The following NCOA2 variants were observed in gnomAD, a reference collection of about 807,000 sequenced individuals.
The protein encoded by NCOA2 is class E basic helix-loop-helix protein 75.
NCOA2 carries 21 observed loss-of-function variants against 145.1 expected under a neutral mutation model. That is an observed-to-expected ratio of 0.14 (90% CI 0.10 to 0.21). The LOEUF (loss-of-function observed/expected upper bound fraction) is 0.21, where lower values mean the gene tolerates loss of function less well. NCOA2 is among the 10% of genes least tolerant of loss of function. The probability of loss-of-function intolerance (pLI) is 1.00; values close to 1 mark genes in which losing one functional copy is unlikely to be tolerated. For missense variants in NCOA2, 1,472 were observed against 1,837.6 expected, an observed-to-expected ratio of 0.80 and a Z score of 3.64; for synonymous variants, 619 against 637.5, an observed-to-expected ratio of 0.97 and a Z score of 0.44.
chr8:70,190,268 A>G (rs1056106888), intron 4 of NCOA2, among the ~76,000 whole-genome samples: 3 of 152,206 alleles, frequency 2.0e-5, no homozygotes, highest in Admixed American at 1.3e-4. Context: ...TCAAAACTAA[A>G]CCCAGTTAAG....
chr8:70,330,004 G>T (rs1806942810), intron 1 of NCOA2, among the ~76,000 whole-genome samples: 1 of 151,810 alleles, frequency 6.6e-6, no homozygotes, highest in Non-Finnish European at 1.5e-5. Context: ...TTTTCATCTG[G>T]GTAGTATTTA....
In NCOA2 at chr8:70,111,070, TCTC is replaced by T. The variant is rs1806495315; in HGVS notation, c.*2559_*2561del. On this transcript the variant is annotated 3_prime_UTR_variant, in exon 23 of 23. Transcript: ENST00000452400. Reference sequence around the variant, plus strand: ...AGAGGATTCCTTCACTTACTTTTCTTCTCCTAACTAGATGTAAAACAAAATCCA... The same window carrying T: ...AGAGGATTCCTTCACTTACTTTTCTTCTAACTAGATGTAAAACAAAATCCA... 4.5e-6 allele frequency: 1 copy of T among 221,164 alleles called. No homozygotes were observed. The highest frequency in any genetic ancestry group is 1.8e-4 in the South Asian group (1 of 5,426). 13.7% of individuals were successfully genotyped at this position (221,164 alleles called of 1,614,324 possible). A position where few individuals can be genotyped will look rare whatever the true frequency, so the allele number is the denominator to read the frequency against.
At position 70,206,694 on chromosome 8, in the gene NCOA2, A is replaced by G. The variant is rs148189480; in HGVS notation, c.259+7209T>C. ...TATTGCTTACTGTACTGGGCTTACT[A>G]CTCTCCTATCTAGCTCTGACTTGCC... On this transcript the variant is annotated intron_variant, in intron 4 of 22. Transcript: ENST00000452400. 1.4e-4 allele frequency among the ~76,000 whole-genome samples: 21 copies of G among 151,830 alleles called. No individual in the cohort carries two copies. In the East Asian group the frequency reaches 3.9e-3, roughly 28 times the overall value.
At chr8:70,403,868 T>C, upstream of NCOA2, 1 of 384,912 alleles carries the variant, frequency 2.6e-6, no homozygotes, top group Non-Finnish European at 4.6e-6. Context: ...CTCCTCCTCC[T>C]CCTCCTCCTC....
At chr8:70,374,642 A>G (rs918427294) in intron 1 of NCOA2, among the ~76,000 whole-genome samples, 3 of 151,946 alleles carry the variant, frequency 2.0e-5, no homozygotes, top group Non-Finnish European at 4.4e-5. Context: ...ATCTCTACGA[A>G]AAATTTAAAA....
intron 1 of NCOA2, among the ~76,000 whole-genome samples, chr8:70,300,619 G>C (rs1277388536): frequency 6.6e-6 from 1 of 152,202 alleles, no homozygotes; most frequent in Non-Finnish European, 1.5e-5. Context: ...GGGCGTGAGA[G>C]AGAACTGAAG....
chr8:70,210,809 C>T (rs1281511802), intron 4 of NCOA2, among the ~76,000 whole-genome samples: 1 of 152,126 alleles, frequency 6.6e-6, no homozygotes, highest in Non-Finnish European at 1.5e-5. Context: ...TTTAGTATGG[C>T]CCCTCATGCA....
At chr8:70,167,944 C>A (rs1010991994) in intron 6 of NCOA2, among the ~76,000 whole-genome samples, 1 of 152,204 alleles carries the variant, frequency 6.6e-6, no homozygotes, top group African/African-American at 2.4e-5. Flanking sequence ...GAATCAGAAT[C>A]AATCCTAATT....
At chr8:70,413,540 A>G in the NCOA2 span, among the ~76,000 whole-genome samples, 1 of 152,226 alleles carries the variant, frequency 6.6e-6, no homozygotes, top group Non-Finnish European at 1.5e-5. Context: ...TGCCTTTGCG[A>G]AACAGACTGC....
At chr8:70,317,495 T>A (rs537744248) in intron 1 of NCOA2, among the ~76,000 whole-genome samples, 1 of 152,154 alleles carries the variant, frequency 6.6e-6, no homozygotes, top group African/African-American at 2.4e-5. Context: ...AGATCCAATA[T>A]TCAACATAAA....
At chr8:70,324,156 T>C (rs1806340350) in intron 1 of NCOA2, among the ~76,000 whole-genome samples, 1 of 152,168 alleles carries the variant, frequency 6.6e-6, no homozygotes, top group Admixed American at 6.5e-5. Context: ...CTACTCCAAA[T>C]ATCTCTATTT....
chr8:70,263,686 G>A (rs932622035), intron 2 of NCOA2, among the ~76,000 whole-genome samples: 2 of 151,376 alleles, frequency 1.3e-5, no homozygotes, highest in African/African-American at 2.4e-5. Context: ...CCGAGATCGC[G>A]CCACTGCACT....
chr8:70,198,441 C>T (rs1817567283), intron 4 of NCOA2, among the ~76,000 whole-genome samples: 1 of 152,162 alleles, frequency 6.6e-6, no homozygotes, highest in African/African-American at 2.4e-5. Context: ...GCCTTGAATA[C>T]CATGGGAAGG....
intron 2 of NCOA2, among the ~76,000 whole-genome samples, chr8:70,227,423 T>C (rs1820742291): frequency 6.6e-6 from 1 of 152,226 alleles, no homozygotes; most frequent in African/African-American, 2.4e-5. Context: ...GCTTCCTTTC[T>C]AGGGTGAGTG....
chr8:70,367,054 A>C (rs952146955), intron 1 of NCOA2, among the ~76,000 whole-genome samples: 7 of 152,232 alleles, frequency 4.6e-5, no homozygotes, highest in African/African-American at 1.7e-4. Context: ...AGTTCTCCTA[A>C]AGGACAATAA....
intron 1 of NCOA2, among the ~76,000 whole-genome samples, chr8:70,362,192 G>C (rs1810266043): frequency 6.6e-6 from 1 of 152,068 alleles, no homozygotes. Flanking sequence ...GTGAGCAAAG[G>C]GGAGAATATA....
At chr8:70,189,533 T>C (rs1005609003) in intron 4 of NCOA2, among the ~76,000 whole-genome samples, 4 of 152,222 alleles carry the variant, frequency 2.6e-5, no homozygotes, top group Admixed American at 6.5e-5. Flanking sequence ...GAAAACACTG[T>C]TTCCCTCAAG....
chr8:70,256,879 T>C (rs544500392), intron 2 of NCOA2, among the ~76,000 whole-genome samples: 44 of 152,302 alleles, frequency 2.9e-4, no homozygotes, highest in African/African-American at 8.7e-4. Flanking sequence ...TTCCTCCAAA[T>C]CTCATGAGAT....
intron 11 of NCOA2, among the ~76,000 whole-genome samples, chr8:70,149,968 TC>T (rs1168070102): frequency 2.0e-5 from 3 of 152,188 alleles, no homozygotes; most frequent in Non-Finnish European, 2.9e-5. Context: ...ATACAATTCC[TC>T]CCCATGCAGA....
Sources: allele counts gnomAD v4.1 joint callset (sites outside exome capture counted in the v4.1 genomes callset), GRCh38; gene constraint gnomAD v4.1.1; transcripts MANE v1.5; gene names NCBI Gene and HGNC (gene_info 2026-07-23, HGNC 2026-07-21).